Variants in PRIM2 observed in about 807,000 individuals in gnomAD.
The protein encoded by PRIM2 is DNA primase subunit 2.
Under a neutral mutation model 67.3 loss-of-function variants are expected in PRIM2, and 39 were observed. The observed-to-expected ratio is 0.58, with a 90% CI of 0.45 to 0.76. PRIM2 has a LOEUF of 0.76. Ranked by LOEUF, PRIM2 falls within the 30% of genes least tolerant of loss-of-function variation. The pLI is 0.00. For missense variants in PRIM2, 398 were observed against 598.7 expected (o/e 0.66, Z 3.50); for synonymous variants, 143 against 198.7 (o/e 0.72, Z 2.36).
chr6:57,324,552 AT>A, intron 4 of PRIM2, among the ~76,000 whole-genome samples: 1 of 152,310 alleles, frequency 6.6e-6, no homozygotes, highest in South Asian at 2.1e-4. Flanking sequence ...ATTGGAAAGG[AT>A]TTTATTGGGA....
chr6:57,400,532 A>G (rs1298904286), intron 7 of PRIM2, among the ~76,000 whole-genome samples: 1 of 152,026 alleles, frequency 6.6e-6, no homozygotes, highest in African/African-American at 2.4e-5. Flanking sequence ...CCTTTAACAT[A>G]CTTTCTTCCA....
chr6:57,325,096 T>G (rs1408763642), intron 4 of PRIM2, among the ~76,000 whole-genome samples: 1 of 152,154 alleles, frequency 6.6e-6, no homozygotes, highest in Non-Finnish European at 1.5e-5. Flanking sequence ...ACGTTATTGC[T>G]TTTAAATATT....
chr6:57,640,933 C>CA (rs1260175432), intron 13 of PRIM2, among the ~76,000 whole-genome samples: 11 of 111,854 alleles, frequency 9.8e-5, no homozygotes, highest in East Asian at 7.5e-4. Flanking sequence ...CAATCCTAAG[C>CA]AAAAAAACAA....
intron 5 of PRIM2, among the ~76,000 whole-genome samples, chr6:57,369,644 G>A (rs1769478478): frequency 6.6e-6 from 1 of 152,140 alleles, no homozygotes; most frequent in East Asian, 1.9e-4. Context: ...CAAAAAATGT[G>A]TGTTTCATGT....
chr6:57,330,532 AAC>A (rs1039432476), intron 5 of PRIM2, among the ~76,000 whole-genome samples: 8 of 151,728 alleles, frequency 5.3e-5, no homozygotes, highest in African/African-American at 1.9e-4. Context: ...TTTTAATTCT[AAC>A]AGTTTTATAG....
At chr6:57,519,940 A>T (rs1774576797) in intron 8 of PRIM2, among the ~76,000 whole-genome samples, 1 of 152,224 alleles carries the variant, frequency 6.6e-6, no homozygotes, top group Non-Finnish European at 1.5e-5. Context: ...GGGGTCCCTG[A>T]CTTCCCGCAA....
chr6:57,588,158 G>A (rs1344713867), intron 10 of PRIM2, among the ~76,000 whole-genome samples: 2 of 152,146 alleles, frequency 1.3e-5, no homozygotes, highest in South Asian at 2.1e-4. Flanking sequence ...ACTCAGGGGT[G>A]GGTAGAAGCA....
chr6:57,285,017 A>G, the PRIM2 span, among the ~76,000 whole-genome samples: 1 of 152,210 alleles, frequency 6.6e-6, no homozygotes, highest in African/African-American at 2.4e-5. Context: ...AAACTAGAAA[A>G]TCTAGAAGAA....
chr6:57,357,890 G>A (rs1309645179), intron 5 of PRIM2, among the ~76,000 whole-genome samples: 8 of 151,988 alleles, frequency 5.3e-5, no homozygotes, highest in Non-Finnish European at 1.2e-4. Flanking sequence ...CACCGCACCC[G>A]GCTTCCTCTG....
the PRIM2 span, among the ~76,000 whole-genome samples, chr6:57,280,824 TA>T: frequency 4.6e-5 from 7 of 151,834 alleles, no homozygotes; most frequent in African/African-American, 1.5e-4. Flanking sequence ...TCTTTTTTTT[TA>T]AAAAAAATTT....
intron 9 of PRIM2, among the ~76,000 whole-genome samples, chr6:57,534,681 T>C (rs1774964091): frequency 6.6e-6 from 1 of 152,196 alleles, no homozygotes; most frequent in South Asian, 2.1e-4. Flanking sequence ...TAGACTTAAA[T>C]CCAAACTCAT....
chr6:57,517,567 A>G (rs1774512505), intron 8 of PRIM2, among the ~76,000 whole-genome samples: 3 of 152,192 alleles, frequency 2.0e-5, no homozygotes, highest in South Asian at 4.2e-4. Context: ...TCAGCAACCA[A>G]TTTTAGTTAA....
intron 8 of PRIM2, among the ~76,000 whole-genome samples, chr6:57,525,865 A>G (rs1774739155): frequency 1.3e-5 from 2 of 152,210 alleles, no homozygotes; most frequent in Non-Finnish European, 2.9e-5. Flanking sequence ...TTCCTTGGTC[A>G]CAAAGGTGCT....
At chr6:57,415,159 A>G (rs2127367083) in intron 7 of PRIM2, among the ~76,000 whole-genome samples, 1 of 152,316 alleles carries the variant, frequency 6.6e-6, no homozygotes, top group Admixed American at 6.5e-5. Context: ...AGTTCAGAGA[A>G]GGATGGACTA....
chr6:57,428,013 C>G lies in PRIM2; in HGVS notation c.693+45845C>G, dbSNP rs1771688829. 2.0e-5 allele frequency among the ~76,000 whole-genome samples: 3 copies of G among 151,932 alleles called. 1 individual carries two copies. The highest frequency in any genetic ancestry group is 6.6e-5 in the Admixed American group (1 of 15,234). ...TGTTTCCTAAGGGGACTCTAGGAAT[C>G]CTGTGGCTACATTTAGACAGGAGAG... On this transcript the variant is annotated intron_variant, in intron 7 of 13. Transcript: ENST00000615550.
chr6:57,294,432 G>A, the PRIM2 span, among the ~76,000 whole-genome samples: 1 of 152,240 alleles, frequency 6.6e-6, no homozygotes, highest in Non-Finnish European at 1.5e-5. Context: ...AGTGAGCCGA[G>A]ATCGTGCTAC....
intron 5 of PRIM2, among the ~76,000 whole-genome samples, chr6:57,375,561 T>C (rs1769734739): frequency 6.6e-6 from 1 of 152,114 alleles, no homozygotes; most frequent in African/African-American, 2.4e-5. Flanking sequence ...CAGATTTTGG[T>C]ATAAGGATGA....
intron 7 of PRIM2, among the ~76,000 whole-genome samples, chr6:57,460,034 A>G (rs1324038117): frequency 2.6e-5 from 4 of 152,278 alleles, no homozygotes; most frequent in African/African-American, 9.6e-5. Flanking sequence ...TGAAGCATTA[A>G]AGGTTGTGGC....
intron 10 of PRIM2, among the ~76,000 whole-genome samples, chr6:57,553,601 A>G (rs1431471615): frequency 6.6e-6 from 1 of 151,636 alleles, no homozygotes; most frequent in Non-Finnish European, 1.5e-5. Flanking sequence ...TTTTGCCAAC[A>G]TTGCATGCAC....
Sources: gnomAD v4.1 joint callset for allele counts (sites outside exome capture counted in the v4.1 genomes callset) on GRCh38, gnomAD v4.1.1 for gene constraint, MANE v1.5 for transcripts, NCBI Gene and HGNC (gene_info 2026-07-23, HGNC 2026-07-21) for gene names.